Variants in NLRC5 observed in about 807,000 individuals in gnomAD.
NLRC5 encodes the protein NLR family CARD domain containing 5.
Under a neutral mutation model 206.9 loss-of-function variants are expected in NLRC5, and 114 were observed. That is an observed-to-expected ratio of 0.55 (90% CI 0.47 to 0.64). The LOEUF (loss-of-function observed/expected upper bound fraction) is 0.64, where lower values mean the gene tolerates loss of function less well. Ranked by LOEUF, NLRC5 falls within the 30% of genes least tolerant of loss-of-function variation. The pLI is 0.00. For missense variants in NLRC5, 2,008 were observed against 2,305.5 expected, an observed-to-expected ratio of 0.87 and a Z score of 2.64; for synonymous variants, 952 against 962.8, an observed-to-expected ratio of 0.99 and a Z score of 0.21.
rs760436540 is a variant in NLRC5, at chr16:57,026,902, C to G, written c.1959C>G (p.Thr653=). ...CACTGACCTGCACCGACCTGGCCAC[C>G]CTGACCAACATCCTAGAGCACAGGG... ...NFPLTCTDLA[T]LTNILEHREA... The change falls in exon 6 of 49, where the codon ACC becomes ACG. Residue 653 remains threonine (T), a synonymous_variant. Transcript: ENST00000688547. 1.2e-6 allele frequency: 2 copies of G among 1,614,100 alleles called. No individual in the cohort carries two copies. The highest frequency in any genetic ancestry group is 3.3e-5 in the Admixed American group (2 of 60,004).
At chr16:57,015,929 A>AG (rs1301763936) in intron 1 of NLRC5, among the ~76,000 whole-genome samples, 1 of 138,370 alleles carries the variant, frequency 7.2e-6, no homozygotes, top group Admixed American at 7.6e-5. Context: ...CCATCTCAAA[A>AG]AAAAAAAAAA....
chr16:56,996,336 C>A (rs1346525111), intron 1 of NLRC5, among the ~76,000 whole-genome samples: 2 of 152,114 alleles, frequency 1.3e-5, no homozygotes, highest in Non-Finnish European at 2.9e-5. Context: ...CACCACCACA[C>A]CTGGCTAATT....
At chr16:57,011,646 C>T (rs1346249824) in intron 1 of NLRC5, among the ~76,000 whole-genome samples, 1 of 150,960 alleles carries the variant, frequency 6.6e-6, no homozygotes, top group South Asian at 2.1e-4. Context: ...CACTTGAACT[C>T]AGGAGTAGGA....
At position 57,076,871 on chromosome 16, in the gene NLRC5, C is replaced by T; in HGVS notation, c.4804C>T (p.Leu1602Phe). 1 of 1,614,076 alleles carries T rather than the reference C, an allele frequency of 6.2e-7. No homozygotes were observed. The highest frequency in any genetic ancestry group is 8.5e-7 in the Non-Finnish European group (1 of 1,180,034). ...CGGTTGCTGCCACCTTTCTGAGGCT[C>T]TCAGGGCTGCCACCAGCCTAGAGGA... ...DVGCCHLSEA[L>F]RAATSLEELD... is the part of the protein sequence containing the mutation. The change falls in exon 40 of 49, where the codon CTC becomes TTC. Residue 1602 changes from leucine (L) to phenylalanine (F), a missense_variant. Coordinates refer to ENST00000688547, the MANE Select transcript of NLRC5 (RefSeq NM_001384950.1).
Position 57,081,177 on chromosome 16 carries a change from G to A in NLRC5, c.5401G>A (p.Val1801Met), listed in dbSNP as rs1195959257. The change falls in exon 47 of 49, where the codon GTG (valine) becomes ATG (methionine). Residue 1801 changes from valine to methionine, a missense_variant. Physicochemically the swap from Val to Met is conservative, Grantham distance 21. Transcript: ENST00000688547. ...GCCGCAGATGGGCCGGCTGAAGAGA[G>A]TGGAGTATGAGGGGCCGGGGGAGGA... is the stretch of plus-strand genomic sequence containing the variant. ...VLPQMGRLKRVDLEKNQITAL... is the reference protein window; with the variant it reads ...VLPQMGRLKRMDLEKNQITAL... 1.3e-6 allele frequency: 2 copies of A among 1,541,066 alleles called. No homozygotes were observed. Among genetic ancestry groups the A allele is most frequent in the South Asian group, 2.4e-5 (2 of 84,144 alleles).
At chr16:57,048,003 C>T (rs778986831) in intron 23 of NLRC5, 31 of 228,942 alleles carry the variant, frequency 1.4e-4, no homozygotes, top group Non-Finnish European at 2.2e-4. Flanking sequence ...CCTCAAGGCA[C>T]CCCCACTCTC....
chr16:57,006,579 G>T (rs891853837), intron 1 of NLRC5, among the ~76,000 whole-genome samples: 3 of 151,864 alleles, frequency 2.0e-5, no homozygotes, highest in African/African-American at 7.3e-5. Flanking sequence ...TGGCTGCAAA[G>T]AATTCCATTG....
At position 57,031,400 on chromosome 16, in the gene NLRC5, G is replaced by T. The variant is rs377735757; in HGVS notation, c.2418-4G>T. 6.8e-5 allele frequency: 110 copies of T among 1,613,832 alleles called. No homozygotes were observed. The highest frequency in any genetic ancestry group is 8.8e-5 in the Non-Finnish European group (104 of 1,179,988). On this transcript the variant is annotated splice_region_variant and splice_polypyrimidine_tract_variant and intron_variant, in intron 10 of 48. Transcript: ENST00000688547. Reference sequence around the variant, plus strand: ...GTTTCATGGCTTGGTATCTGATCCTGCAGGGAGGCGGACCTCATCTTCCTT... The same window carrying T: ...GTTTCATGGCTTGGTATCTGATCCTTCAGGGAGGCGGACCTCATCTTCCTT...
intron 1 of NLRC5, among the ~76,000 whole-genome samples, chr16:57,000,573 C>T (rs1424159446): frequency 6.6e-6 from 1 of 152,104 alleles, no homozygotes; most frequent in African/African-American, 2.4e-5. Flanking sequence ...GGCTCCTCGA[C>T]TCTAGCTGGT....
chr16:57,050,436 A>C (rs1177485258), intron 23 of NLRC5, among the ~76,000 whole-genome samples: 1 of 152,222 alleles, frequency 6.6e-6, no homozygotes, highest in African/African-American at 2.4e-5. Flanking sequence ...AGCAGCAGAG[A>C]TGGGCCAGGC....
At chr16:57,080,385 A>G (rs1331582733) in intron 46 of NLRC5, among the ~76,000 whole-genome samples, 2 of 151,532 alleles carry the variant, frequency 1.3e-5, no homozygotes, top group African/African-American at 2.4e-5. Flanking sequence ...AGTTAATACC[A>G]TTGTTTGTAC....
At chr16:57,021,039 C>T (rs375380698) in intron 3 of NLRC5, 32 bp downstream of exon 3, 137 of 1,600,848 alleles carry the variant, frequency 8.6e-5, no homozygotes, top group African/African-American at 2.1e-4. Context: ...GCAAAGCAGC[C>T]GGGCCAGTAC....
intron 21 of NLRC5, 77 bp downstream of exon 21, chr16:57,045,569 G>A: frequency 7.3e-7 from 1 of 1,374,382 alleles, no homozygotes; most frequent in Non-Finnish European, 1.0e-6. Context: ...CCCACCCCCA[G>A]ACCCATGCTG....
At chr16:57,047,853 G>A in intron 23 of NLRC5, 2 of 583,472 alleles carry the variant, frequency 3.4e-6, no homozygotes, top group Non-Finnish European at 6.1e-6. Context: ...GCTGGACTGG[G>A]GAAGCCTTCA....
chr16:57,076,213 C>A (rs1318032825), intron 39 of NLRC5, among the ~76,000 whole-genome samples: 2 of 152,198 alleles, frequency 1.3e-5, no homozygotes, highest in Admixed American at 1.3e-4. Flanking sequence ...CTGCTCCCAG[C>A]CCCATTAAAA....
intron 1 of NLRC5, among the ~76,000 whole-genome samples, chr16:56,990,411 T>A (rs1473478266): frequency 6.6e-6 from 1 of 152,216 alleles, no homozygotes; most frequent in African/African-American, 2.4e-5. Flanking sequence ...TAAGGAACAT[T>A]TAACCTCATA....
chr16:57,049,561 C>T (rs960136799), intron 23 of NLRC5, among the ~76,000 whole-genome samples: 21 of 151,982 alleles, frequency 1.4e-4, no homozygotes, highest in African/African-American at 4.8e-4. Flanking sequence ...CATAGTGAAA[C>T]CCCATCTCTA....
intron 21 of NLRC5, among the ~76,000 whole-genome samples, 157 bp downstream of exon 21, chr16:57,045,649 G>GCC (rs142114804): frequency 6.6e-6 from 1 of 150,560 alleles, no homozygotes; most frequent in African/African-American, 2.4e-5. Context: ...AGTAACCACC[G>GCC]CCCCCCCCAT....
intron 19 of NLRC5, among the ~76,000 whole-genome samples, chr16:57,042,965 T>C (rs74495211): frequency 1.3e-5 from 2 of 152,202 alleles, no homozygotes; most frequent in South Asian, 2.1e-4. Flanking sequence ...CTGGAGGTTT[T>C]AGTATGTCCT....
Sources: allele counts gnomAD v4.1 joint callset (sites outside exome capture counted in the v4.1 genomes callset), GRCh38; gene constraint gnomAD v4.1.1; transcripts MANE v1.5; gene names NCBI Gene and HGNC (gene_info 2026-07-23, HGNC 2026-07-21).